Variants in FGFR4 observed in about 807,000 individuals in gnomAD.
FGFR4 encodes hydroxyaryl-protein kinase.
Under a neutral mutation model 89.9 loss-of-function variants are expected in FGFR4, and 63 were observed. The ratio of observed to expected loss-of-function variants is 0.70; its 90% CI spans 0.57 to 0.86. The LOEUF (loss-of-function observed/expected upper bound fraction) is 0.86. Ranked by LOEUF, FGFR4 falls within the 40% of genes least tolerant of loss-of-function variation. The probability of loss-of-function intolerance (pLI) is 0.00; values close to 1 mark genes in which losing one functional copy is unlikely to be tolerated. For synonymous variants in FGFR4, 486 were observed against 479.4 expected, an observed-to-expected ratio of 1.01 and a Z score of -0.18; for missense variants, 928 against 1,106.7, an observed-to-expected ratio of 0.84 and a Z score of 2.29.
chr5:177,092,555 C>A (rs1784404656), intron 7 of FGFR4, 44 bp downstream of exon 7: 2 of 1,563,054 alleles, frequency 1.3e-6, no homozygotes. Flanking sequence ...ATTCTTCTCC[C>A]ACCTTGGGTT....
chr5:177,092,082 G>A (rs989794642), intron 6 of FGFR4, among the ~76,000 whole-genome samples: 4 of 152,218 alleles, frequency 2.6e-5, no homozygotes, highest in South Asian at 2.1e-4. Context: ...CAGCATATTC[G>A]TAGGGCGTGG....
rs371137697 is a variant in FGFR4 at position 177,092,274 on chromosome 5, T to C, written c.728-47T>C. On this transcript the variant is annotated intron_variant, in intron 6 of 17. Transcript: ENST00000292408. ...GCTGGAGGGAGGCAAACAGGGTGCT[T>C]CTATGGGTGCCGGTGGTCAGGGTTG... 6.4e-5 allele frequency: 96 copies of C among 1,501,950 alleles called. No homozygotes were observed. The Middle Eastern group carries it at 9.4e-4, about 15-fold the overall frequency. 93.0% of individuals were successfully genotyped at this position (1,501,950 alleles called of 1,614,324 possible).
rs768524546 is a variant in FGFR4, at chr5:177,093,262, G to A, written c.1182G>A (p.Ala394=). The A allele has an allele frequency of 4.5e-5, 73 of 1,612,730 alleles. No homozygotes were observed. The highest frequency in any genetic ancestry group is 1.9e-4 in the African/African-American group (14 of 74,894). Residue 394 remains alanine (A), a synonymous_variant, in exon 9 of 18, where the codon GCG becomes GCA. Transcript: ENST00000292408. This position sits in a 1 kb window ranked among gnomAD's most constrained non-coding sequence, Gnocchi z 5.8. ...LLLAGLYRGQ[A]LHGRHPRPPA... Reference sequence around the variant, plus strand: ...TGGCCGGGCTGTATCGAGGGCAGGCGCTCCACGGCCGGCACCCCCGCCCGC... The same window carrying A: ...TGGCCGGGCTGTATCGAGGGCAGGCACTCCACGGCCGGCACCCCCGCCCGC...
Position 177,093,920 on chromosome 5 carries a change from A to C in FGFR4, c.1519+145A>C. On this transcript the variant is annotated intron_variant, in intron 11 of 17. Transcript: ENST00000292408. The surrounding 1 kb of genome is among the most constrained non-coding windows in gnomAD (Gnocchi z 5.8). ...CATCTCTACAAAAAAAAAATAAGAA[A>C]ATTAGTTGGGTGTGGTGGTGTGTGC... 2.0e-6 allele frequency: 2 copies of C among 1,022,826 alleles called. No individual in the cohort carries two copies. The highest frequency in any genetic ancestry group is 2.8e-6 in the Non-Finnish European group (2 of 725,278). The allele number at this position is 1,022,826 out of a possible 1,614,324, so 63.4% of individuals were successfully genotyped here. A position where few individuals can be genotyped will look rare whatever the true frequency, so the allele number is the denominator to read the frequency against.
rs753942015 is a variant in FGFR4 at position 177,093,659 on chromosome 5, T to C, written c.1403T>C (p.Val468Ala). Residue 468 changes from valine (V) to alanine (A), a missense_variant, in exon 11 of 18, where the codon GTG (valine) becomes GCG (alanine). Coordinates refer to ENST00000292408, the MANE Select transcript of FGFR4 (RefSeq NM_213647.3). This position sits in a 1 kb window ranked among gnomAD's most constrained non-coding sequence, Gnocchi z 5.8. ...PLWEFPRDRL[V>A]LGKPLGEGCF... ...TGGACTTTCTCCATCTCCAGGCTGG[T>C]GCTTGGGAAGCCCCTAGGCGAGGGC... The C allele has an allele frequency of 5.0e-6, 8 of 1,614,170 alleles. No homozygotes were observed. The highest frequency in any genetic ancestry group is 1.1e-5 in the South Asian group (1 of 91,080).
chr5:177,089,721 G>T (rs1174170065), intron 2 of FGFR4, 28 bp downstream of exon 2: 6 of 1,609,138 alleles, frequency 3.7e-6, no homozygotes, highest in Non-Finnish European at 3.4e-6. Flanking sequence ...GGAGAGGGTG[G>T]CAGGGGTGGG....
chr5:177,091,918 C>A, intron 6 of FGFR4, 110 bp downstream of exon 6: 1 of 1,442,154 alleles, frequency 6.9e-7, no homozygotes, highest in Non-Finnish European at 9.5e-7. Context: ...AGTCAGGCAG[C>A]TTGGTGAGCA....
In FGFR4 at chr5:177,093,903, CAA is replaced by C. The variant is rs201671229; in HGVS notation, c.1519+137_1519+138del. 39 of 945,356 alleles carry C rather than the reference CAA, an allele frequency of 4.1e-5. No homozygotes were observed. Among genetic ancestry groups the C allele is most frequent in the Non-Finnish European group, 5.2e-5 (36 of 686,672 alleles). 58.6% of individuals were successfully genotyped at this position (945,356 alleles called of 1,614,324 possible). A position where few individuals can be genotyped will look rare whatever the true frequency, so the allele number is the denominator to read the frequency against. ...GCAACATGGCAAGACTTCATCTCTACAAAAAAAAAATAAGAAAATTAGTTGGG... is the reference window on the plus strand; with the variant it reads ...GCAACATGGCAAGACTTCATCTCTACAAAAAAAATAAGAAAATTAGTTGGG... On this transcript the variant is annotated intron_variant, in intron 11 of 17. Transcript: ENST00000292408. This position sits in a 1 kb window ranked among gnomAD's most constrained non-coding sequence, Gnocchi z 5.8.
rs149019238 is a variant in FGFR4, at chr5:177,097,385, C to T, written c.2247C>T (p.Ala749=). The part of the protein sequence containing the change: ...LVEALDKVLL[A]VSEEYLDLRL... ...AGGCGCTGGACAAGGTCCTGCTGGC[C>T]GTCTCTGAGGAGGTACAGCCCCTCC... The change falls in exon 17 of 18, where the codon GCC becomes GCT. Residue 749 remains alanine, a synonymous_variant. Coordinates refer to ENST00000292408, the MANE Select transcript of FGFR4 (RefSeq NM_213647.3). 7.6e-5 allele frequency: 122 copies of T among 1,611,706 alleles called. No individual in the cohort carries two copies. In the African/African-American group the frequency reaches 9.7e-4, roughly 13 times the overall value.
intron 5 of FGFR4, 68 bp downstream of exon 5, chr5:177,091,172 A>G: frequency 6.8e-7 from 1 of 1,470,268 alleles, no homozygotes; most frequent in South Asian, 1.4e-5. Context: ...CCTCATACCT[A>G]CAAGCATACC....
intron 1 of FGFR4, 125 bp from the exon 2 acceptor site, chr5:177,089,425 C>T: frequency 9.0e-7 from 1 of 1,114,308 alleles, no homozygotes; most frequent in Admixed American, 2.9e-5. Flanking sequence ...ACTGCCACAG[C>T]CTGGCCAGGG....
chr5:177,091,706 C>G lies in FGFR4; in HGVS notation c.625C>G (p.Leu209Val), dbSNP rs971646755. 2.5e-6 allele frequency: 4 copies of G among 1,614,104 alleles called. No individual in the cohort carries two copies. The African/African-American group carries it at 5.3e-5, about 22-fold the overall frequency. Residue 209 changes from leucine to valine, a missense_variant, in exon 6 of 18, where the codon CTC (leucine) becomes GTC (valine). Leu to Val is a conservative substitution (Grantham distance 32). Coordinates refer to ENST00000292408, the MANE Select transcript of FGFR4 (RefSeq NM_213647.3). Reference sequence around the variant, plus strand: ...GCAGCTGCGCCATCAGCACTGGAGTCTCGTGATGGAGAGCGTGGTGCCCTC... The same window carrying G: ...GCAGCTGCGCCATCAGCACTGGAGTGTCGTGATGGAGAGCGTGGTGCCCTC... The part of the protein sequence containing the change: ...GIRLRHQHWS[L>V]VMESVVPSDR...
At position 177,092,643 on chromosome 5, in the gene FGFR4, C is replaced by G. The variant is rs1784407050; in HGVS notation, c.919-3C>G. ...TGACCCCAGAGCATGTCCCCCACCC[C>G]AGACTGCAGACATCAATAGCTCAGA... On this transcript the variant is annotated splice_polypyrimidine_tract_variant and splice_region_variant and intron_variant, in intron 7 of 17. Coordinates refer to ENST00000292408, the MANE Select transcript of FGFR4 (RefSeq NM_213647.3). The G allele has an allele frequency of 6.2e-7, 1 of 1,601,084 alleles. No homozygotes were observed. The highest frequency in any genetic ancestry group is 8.5e-7 in the Non-Finnish European group (1 of 1,169,922).
intron 15 of FGFR4, 76 bp from the exon 16 acceptor site, chr5:177,096,528 G>A (rs1274027149): frequency 2.5e-6 from 4 of 1,579,128 alleles, no homozygotes; most frequent in Non-Finnish European, 2.6e-6. Context: ...GGTGGGTCAT[G>A]TCTGTGGGGT....
chr5:177,094,102 T>C (rs1562073057), intron 11 of FGFR4, among the ~76,000 whole-genome samples: 1 of 151,778 alleles, frequency 6.6e-6, no homozygotes, highest in East Asian at 1.9e-4. Context: ...AAATAAAAGG[T>C]GAACGTGGCA....
In FGFR4 at chr5:177,089,437, CTTGG is replaced by C. The variant is rs1350044494; in HGVS notation, c.-53-112_-53-109del. On this transcript the variant is annotated intron_variant, in intron 1 of 17. Transcript: ENST00000292408. ...TGCACTGCCACAGCCTGGCCAGGGACTTGGACACATCTGCTGGCCACTTCCTGTC... is the reference window on the plus strand; with the variant it reads ...TGCACTGCCACAGCCTGGCCAGGGACACACATCTGCTGGCCACTTCCTGTC... The C allele has an allele frequency of 1.8e-5, 23 of 1,247,600 alleles. No homozygotes were observed. The African/African-American group carries it at 3.3e-4, about 18-fold the overall frequency. The allele number at this position is 1,247,600 out of a possible 1,614,324, so 77.3% of individuals were successfully genotyped here. A position where few individuals can be genotyped will look rare whatever the true frequency, so the allele number is the denominator to read the frequency against.
chr5:177,087,574 C>T lies in FGFR4; in HGVS notation c.-54+497C>T. 1 of 985,402 alleles carries T rather than the reference C, an allele frequency of 1.0e-6. No homozygotes were observed. Among genetic ancestry groups the T allele is most frequent in the Non-Finnish European group, 1.2e-6 (1 of 829,946 alleles). 61.0% of individuals were successfully genotyped at this position (985,402 alleles called of 1,614,324 possible). A position where few individuals can be genotyped will look rare whatever the true frequency, so the allele number is the denominator to read the frequency against. On this transcript the variant is annotated intron_variant, in intron 1 of 17. Coordinates refer to ENST00000292408, the MANE Select transcript of FGFR4 (RefSeq NM_213647.3). This position sits in a 1 kb window ranked among gnomAD's most constrained non-coding sequence, Gnocchi z 6.1. ...CCTCCATTCCCACGTGGGGGGTGGTCGGTCAGCGGTCAGCAGCCATGGGTG... is the reference window on the plus strand; with the variant it reads ...CCTCCATTCCCACGTGGGGGGTGGTTGGTCAGCGGTCAGCAGCCATGGGTG...
intron 1 of FGFR4, 27 bp from the exon 2 acceptor site, chr5:177,089,523 A>T: frequency 6.6e-7 from 1 of 1,525,974 alleles, no homozygotes; most frequent in South Asian, 1.2e-5. Context: ...CACGTGTAGC[A>T]GGAGCTCTTT....
At chr5:177,094,444 C>T (rs1366132341) in intron 11 of FGFR4, among the ~76,000 whole-genome samples, 1 of 152,110 alleles carries the variant, frequency 6.6e-6, no homozygotes, top group African/African-American at 2.4e-5. Flanking sequence ...TCAGCTTTGA[C>T]TTCACATCTC....
Sources: gnomAD v4.1 joint callset for allele counts (sites outside exome capture counted in the v4.1 genomes callset) on GRCh38, gnomAD v4.1.1 for gene constraint, Gnocchi (gnomAD v3.1) non-coding constraint, MANE v1.5 for transcripts, NCBI Gene and HGNC (gene_info 2026-07-23, HGNC 2026-07-21) for gene names.